The following DNASE1 variants were observed in gnomAD, a reference collection of about 807,000 sequenced individuals.
The protein encoded by DNASE1 is deoxyribonuclease-1.
In DNASE1, 40 loss-of-function variants were observed where a neutral mutation model predicts 33.9. That is an observed-to-expected ratio of 1.18 (90% CI 0.92 to 1.54). The LOEUF (loss-of-function observed/expected upper bound fraction) is 1.54. DNASE1 is among the 40% of genes most tolerant of loss of function. The probability of loss-of-function intolerance (pLI) is 0.00; values close to 1 mark genes in which losing one functional copy is unlikely to be tolerated. For missense variants in DNASE1, 518 were observed against 372.6 expected (o/e 1.39, Z -3.21); for synonymous variants, 216 against 160.0 (o/e 1.35, Z -2.64).
At chr16:3,657,547 A>C (rs925035620) in intron 7 of DNASE1, among the ~76,000 whole-genome samples, 173 bp from the exon 8 acceptor site, 14 of 152,130 alleles carry the variant, frequency 9.2e-5, no homozygotes. Context: ...AGAGGCAGAC[A>C]CCTAGGCTGT....
downstream of DNASE1, chr16:3,658,144 G>C (rs145878980): frequency 3.1e-6 from 5 of 1,614,088 alleles, no homozygotes; most frequent in Non-Finnish European, 4.2e-6. Context: ...GTCGCTCCAG[G>C]GCCTTGACAA....
intron 1 of DNASE1, among the ~76,000 whole-genome samples, chr16:3,634,043 C>A (rs1596589586): frequency 6.6e-6 from 1 of 151,758 alleles, no homozygotes; most frequent in South Asian, 2.1e-4. Context: ...ATCTCCTGAC[C>A]TCGTGATCCG....
chr16:3,656,648 G>A lies in DNASE1; in HGVS notation c.331G>A (p.Val111Met), dbSNP rs143058517. The A allele has an allele frequency of 5.3e-4, 850 of 1,611,662 alleles. 1 individual carries two copies. In the Middle Eastern group the frequency reaches 6.4e-3, roughly 12 times the overall value. ...CCGGCCTTCCCGCAGGCCTGACCAG[G>A]TGTCTGCGGTGGACAGCTACTACTA... ...RYLFVYRPDQ[V>M]SAVDSYYYDD... Residue 111 changes from valine to methionine, a missense_variant, in exon 5 of 9, where the codon GTG (valine) becomes ATG (methionine). Coordinates refer to ENST00000246949, the MANE Select transcript of DNASE1 (RefSeq NM_005223.4).
At chr16:3,652,451 A>G (rs8055146), upstream of DNASE1, 5,848 of 152,134 alleles carry the variant, frequency 0.038, 318 homozygotes, top group African/African-American at 0.12. Flanking sequence ...TACACCGAAT[A>G]CTCCGGTGGC....
intron 1 of DNASE1, among the ~76,000 whole-genome samples, chr16:3,637,253 T>G (rs2041897101): frequency 6.6e-6 from 1 of 152,216 alleles, no homozygotes; most frequent in South Asian, 2.1e-4. Context: ...AACTAAAATT[T>G]CCTCCTGGGT....
At chr16:3,655,996 T>C in intron 3 of DNASE1, 59 bp downstream of exon 3, 1 of 1,612,478 alleles carries the variant, frequency 6.2e-7, no homozygotes, top group Non-Finnish European at 8.5e-7. Flanking sequence ...ACAGCCTCAC[T>C]TCACTTGGGC....
At chr16:3,629,896 C>T (rs1232970558) in intron 1 of DNASE1, among the ~76,000 whole-genome samples, 1 of 152,160 alleles carries the variant, frequency 6.6e-6, no homozygotes, top group Non-Finnish European at 1.5e-5. Flanking sequence ...TCACTGCAAC[C>T]TCTGCTTCCT....
At chr16:3,658,831 C>T (rs764916149), downstream of DNASE1, 42 of 1,613,842 alleles carry the variant, frequency 2.6e-5, no homozygotes, top group African/African-American at 8.0e-5. Context: ...GGCTCGCTTG[C>T]GCGCAGCTGA....
At chr16:3,620,741 G>C in intron 1 of DNASE1, among the ~76,000 whole-genome samples, 1 of 150,198 alleles carries the variant, frequency 6.7e-6, no homozygotes, top group East Asian at 1.9e-4. Flanking sequence ...CCTAAATCTA[G>C]GATTTCTAGG....
intron 1 of DNASE1, among the ~76,000 whole-genome samples, chr16:3,625,556 G>A (rs898691745): frequency 1.3e-5 from 2 of 152,062 alleles, no homozygotes; most frequent in Admixed American, 1.3e-4. Context: ...CCAGGAGGTC[G>A]AGGCTGCAGT....
At chr16:3,655,180 G>A (rs2042515061) in intron 1 of DNASE1, 136 bp downstream of exon 1, 3 of 713,126 alleles carry the variant, frequency 4.2e-6, no homozygotes, top group Non-Finnish European at 6.8e-6. Context: ...GTGGATGGAG[G>A]AGTGACTCGG....
intron 1 of DNASE1, among the ~76,000 whole-genome samples, chr16:3,622,314 A>G (rs1212616239): frequency 1.3e-5 from 2 of 151,972 alleles, no homozygotes; most frequent in South Asian, 2.1e-4. Flanking sequence ...ATATCATGAA[A>G]CATTTTGTCT....
At chr16:3,647,870 T>TA (rs1364138203) in intron 1 of DNASE1, among the ~76,000 whole-genome samples, 2 of 152,032 alleles carry the variant, frequency 1.3e-5, no homozygotes, top group Admixed American at 1.3e-4. Context: ...TTTTTTTTTT[T>TA]AAATTAGCCA....
downstream of DNASE1, chr16:3,658,372 C>A: frequency 1.5e-6 from 1 of 688,052 alleles, no homozygotes; most frequent in East Asian, 2.7e-5. Flanking sequence ...GTGATCCCCC[C>A]GCCTCCCAAA....
intron 1 of DNASE1, among the ~76,000 whole-genome samples, chr16:3,615,783 C>T (rs543754237): frequency 2.3e-4 from 35 of 152,292 alleles, no homozygotes; most frequent in African/African-American, 8.4e-4. Context: ...GTGATGATCA[C>T]GTCCTTACCC....
upstream of DNASE1, among the ~76,000 whole-genome samples, chr16:3,639,147 C>T (rs1465712191): frequency 6.6e-6 from 1 of 152,186 alleles, no homozygotes; most frequent in East Asian, 1.9e-4. Flanking sequence ...CAGTTTATTG[C>T]GTCTCAACTC....
At chr16:3,628,671 G>C (rs2041599646) in intron 1 of DNASE1, among the ~76,000 whole-genome samples, 1 of 150,966 alleles carries the variant, frequency 6.6e-6, no homozygotes, top group Admixed American at 6.6e-5. Flanking sequence ...CCATTCTTCT[G>C]CCTCAGGCTC....
At position 3,632,679 on chromosome 16, in the gene DNASE1, G is replaced by C. The variant is rs1191629129; in HGVS notation, c.-1358-8036G>C. On this transcript the variant is annotated intron_variant and NMD_transcript_variant, in intron 1 of 11. Coordinates refer to the DNASE1 transcript ENST00000570769. ...CAGCTCCCTGCAACCTCCAACTCCT[G>C]GGTTCAAGCAATTCTCCTGCCTCAG... Among the ~76,000 whole-genome samples the C allele has an allele frequency of 2.0e-5, 3 of 151,614 alleles. No homozygotes were observed. The East Asian group carries it at 5.8e-4, about 29-fold the overall frequency.
chr16:3,628,913 G>A (rs2041610646), intron 1 of DNASE1, among the ~76,000 whole-genome samples: 1 of 145,794 alleles, frequency 6.9e-6, no homozygotes, highest in Non-Finnish European at 1.5e-5. Flanking sequence ...GGCTCACGCC[G>A]GTAATCCCAG....
Sources: gnomAD v4.1 joint callset for allele counts (sites outside exome capture counted in the v4.1 genomes callset) on GRCh38, gnomAD v4.1.1 for gene constraint, MANE v1.5 for transcripts, NCBI Gene and HGNC (gene_info 2026-07-23, HGNC 2026-07-21) for gene names.